The following RALYL variants were observed in gnomAD, a reference collection of about 807,000 sequenced individuals.
RALYL encodes RNA-binding Raly-like protein.
RALYL carries 29 observed loss-of-function variants against 35.1 expected under a neutral mutation model. The ratio of observed to expected loss-of-function variants is 0.83; its 90% CI spans 0.61 to 1.13. The LOEUF (loss-of-function observed/expected upper bound fraction) is 1.13, where lower values mean the gene tolerates loss of function less well. Among genes scored for constraint, RALYL ranks in the 50% most tolerant of loss-of-function variants. The pLI, the probability that RALYL is intolerant of heterozygous loss-of-function variation, is 0.00. For missense variants in RALYL, 359 were observed against 360.4 expected (o/e 1.00, Z 0.03); for synonymous variants, 120 against 127.6 (o/e 0.94, Z 0.40).
At chr8:84,214,582 T>A (rs942118348) in intron 1 of RALYL, among the ~76,000 whole-genome samples, 1 of 152,120 alleles carries the variant, frequency 6.6e-6, no homozygotes, top group African/African-American at 2.4e-5. Context: ...GAGAGGCAAT[T>A]TAATATCATT....
At chr8:84,870,572 G>A (rs1840020137) in intron 6 of RALYL, among the ~76,000 whole-genome samples, 1 of 59,218 alleles carries the variant, frequency 1.7e-5, no homozygotes, top group Admixed American at 2.4e-4. Flanking sequence ...TAAAATATCT[G>A]TAATGTATAT....
intron 1 of RALYL, among the ~76,000 whole-genome samples, chr8:84,423,679 G>A (rs2045967093): frequency 6.6e-6 from 1 of 151,734 alleles, no homozygotes; most frequent in Admixed American, 6.6e-5. Context: ...GTTTTGCAGT[G>A]GCTGGTACCG....
intron 2 of RALYL, among the ~76,000 whole-genome samples, chr8:84,702,262 C>G (rs1056896128): frequency 6.6e-6 from 1 of 152,098 alleles, no homozygotes; most frequent in South Asian, 2.1e-4. Context: ...ACTAGTGACA[C>G]CATAGAGCCC....
chr8:84,310,764 T>TAATGTATAGTATAAATATGTG (rs1842611347), intron 1 of RALYL, among the ~76,000 whole-genome samples: 1 of 150,986 alleles, frequency 6.6e-6, no homozygotes. Context: ...AAATGTATAT[T>TAATGTATAGTATAAATATGTG]AGGCCGGGTG....
intron 1 of RALYL, among the ~76,000 whole-genome samples, chr8:84,469,228 A>G (rs1247672775): frequency 4.6e-5 from 7 of 152,002 alleles, no homozygotes; most frequent in Non-Finnish European, 1.0e-4. Flanking sequence ...TCTGCTTTTT[A>G]GAGTTTCCAG....
intron 1 of RALYL, among the ~76,000 whole-genome samples, chr8:84,279,161 C>T (rs547694202): frequency 1.5e-4 from 23 of 152,124 alleles, no homozygotes; most frequent in Non-Finnish European, 2.6e-4. Flanking sequence ...TTTATAAAAC[C>T]GTCAGATGTC....
At chr8:84,420,538 C>A (rs978500527) in intron 1 of RALYL, among the ~76,000 whole-genome samples, 11 of 146,668 alleles carry the variant, frequency 7.5e-5, no homozygotes, top group African/African-American at 2.8e-4. Flanking sequence ...TGTGCAGAAG[C>A]TCTTTAGTTT....
At chr8:84,509,447 T>C (rs1235241300) in intron 1 of RALYL, among the ~76,000 whole-genome samples, 1 of 152,168 alleles carries the variant, frequency 6.6e-6, no homozygotes, top group Non-Finnish European at 1.5e-5. Flanking sequence ...TTTGCGAACA[T>C]TTTATCCTAG....
At chr8:84,247,539 A>G (rs1829351489) in intron 1 of RALYL, among the ~76,000 whole-genome samples, 1 of 152,030 alleles carries the variant, frequency 6.6e-6, no homozygotes, top group Admixed American at 6.6e-5. Flanking sequence ...AATTTAAAAA[A>G]AAAAAAGAAA....
chr8:84,484,685 TA>T (rs2054418379), intron 1 of RALYL, among the ~76,000 whole-genome samples: 1 of 152,212 alleles, frequency 6.6e-6, no homozygotes, highest in African/African-American at 2.4e-5. Flanking sequence ...TATTTGTTTT[TA>T]CAACAGTTAA....
chr8:84,622,209 A>T (rs1461829664), intron 2 of RALYL, among the ~76,000 whole-genome samples: 2 of 152,176 alleles, frequency 1.3e-5, no homozygotes, highest in African/African-American at 2.4e-5. Flanking sequence ...TGCCACAAAG[A>T]AAAAGGGGTC....
In RALYL at chr8:84,309,967, T is replaced by A. The variant is rs556067502; in HGVS notation, c.-24+125543T>A. Among the ~76,000 whole-genome samples, 114 of 152,210 alleles carry A rather than the reference T, an allele frequency of 7.5e-4. 4 individuals carry two copies. In the South Asian group the frequency reaches 0.022, roughly 29 times the overall value. On this transcript the variant is annotated intron_variant, in intron 1 of 8. Coordinates refer to ENST00000521268, the MANE Select transcript of RALYL (RefSeq NM_173848.7). ...CCAGAACTCCTGACCTCAGGTGATA[T>A]CCACCTGCCTTGGGCTCCCAAAGTG...
rs562957357 is a variant in RALYL at position 84,463,771 on chromosome 8, T to C, written c.-23-65528T>C. ...AACTAAGGTTTACTGGGAAATAATTTACATACCTTAAAAAATCACCCTTTT... is the reference window on the plus strand; with the variant it reads ...AACTAAGGTTTACTGGGAAATAATTCACATACCTTAAAAAATCACCCTTTT... On this transcript the variant is annotated intron_variant, in intron 1 of 8. Transcript: ENST00000521268. 5.4e-4 allele frequency among the ~76,000 whole-genome samples: 82 copies of C among 152,250 alleles called. No homozygotes were observed. In the Middle Eastern group the frequency reaches 0.02, roughly 38 times the overall value.
chr8:84,872,610 C>T (rs967105299), intron 6 of RALYL: 5 of 152,082 alleles, frequency 3.3e-5, no homozygotes, highest in African/African-American at 1.2e-4. Flanking sequence ...TGAAACTGTA[C>T]TAAACTCTAA....
chr8:84,227,358 C>CAA (rs113864361), intron 1 of RALYL, among the ~76,000 whole-genome samples: 1,949 of 151,142 alleles, frequency 0.013, 40 homozygotes, highest in Non-Finnish European at 0.01. Context: ...ACGTCTGGCA[C>CAA]AAAAAAAATG....
At chr8:84,380,939 C>T (rs886114934) in intron 1 of RALYL, among the ~76,000 whole-genome samples, 1 of 151,786 alleles carries the variant, frequency 6.6e-6, no homozygotes, top group African/African-American at 2.4e-5. Context: ...TCTGGCAGCT[C>T]AGACAGAAGC....
chr8:84,755,935 A>C (rs1360461288), intron 2 of RALYL, among the ~76,000 whole-genome samples: 1 of 152,082 alleles, frequency 6.6e-6, no homozygotes, highest in Non-Finnish European at 1.5e-5. Context: ...TTAAGCTAAA[A>C]GTATCAAAGA....
chr8:84,509,508 G>T (rs1236850879), intron 1 of RALYL, among the ~76,000 whole-genome samples: 3 of 152,064 alleles, frequency 2.0e-5, no homozygotes, highest in Non-Finnish European at 4.4e-5. Flanking sequence ...CAGAGTAGGG[G>T]TTTTTAAATT....
chr8:84,788,982 C>T (rs73299212), intron 3 of RALYL, among the ~76,000 whole-genome samples: 5,283 of 152,250 alleles, frequency 0.035, 323 homozygotes, highest in African/African-American at 0.12. Flanking sequence ...ATAATAACTG[C>T]CCCCTGGTAT....
Sources: gnomAD v4.1 joint callset for allele counts (sites outside exome capture counted in the v4.1 genomes callset) on GRCh38, gnomAD v4.1.1 for gene constraint, MANE v1.5 for transcripts, NCBI Gene and HGNC (gene_info 2026-07-23, HGNC 2026-07-21) for gene names.